PASD1: variants seen among roughly 807,000 people sequenced by gnomAD.
PASD1 encodes the protein PAS domain containing repressor 1.
A neutral mutation model predicts 58.8 loss-of-function variants in PASD1; 13 were observed. The ratio of observed to expected loss-of-function variants is 0.22; its 90% CI spans 0.14 to 0.35. PASD1 has a LOEUF of 0.35. PASD1 is among the 10% of genes least tolerant of loss of function. PASD1 has a pLI of 1.00. For missense variants in PASD1, 734 were observed against 568.3 expected, an observed-to-expected ratio of 1.29 and a Z score of -2.96; for synonymous variants, 236 against 216.7, an observed-to-expected ratio of 1.09 and a Z score of -0.78.
intron 11 of PASD1, among the ~76,000 whole-genome samples, chrX:151,668,238 A>T (rs1444794545): frequency 9.0e-6 from 1 of 111,719 alleles, no homozygotes; most frequent in Admixed American, 9.5e-5. Flanking sequence ...TTTGTCAAAG[A>T]TCTTTTCTGC....
chrX:151,567,123 C>T (rs2012858658), intron 1 of PASD1, among the ~76,000 whole-genome samples: 1 of 110,301 alleles, frequency 9.1e-6, no homozygotes, highest in Non-Finnish European at 1.9e-5. Context: ...GATTTTGGAG[C>T]ATTTCAGATT....
intron 1 of PASD1, among the ~76,000 whole-genome samples, chrX:151,583,639 A>G (rs2013126937): frequency 8.9e-6 from 1 of 112,323 alleles, no homozygotes; most frequent in South Asian, 3.7e-4. Context: ...TTTAATCTTG[A>G]TGAAATCCTT....
intron 1 of PASD1, among the ~76,000 whole-genome samples, chrX:151,592,999 G>A (rs113630319): frequency 0.033 from 3,688 of 110,579 alleles, 113 homozygotes; most frequent in African/African-American, 0.091. Flanking sequence ...ATTTATGTCC[G>A]TTTTTACTTC....
chrX:151,612,452 A>G (rs972868271), intron 4 of PASD1, among the ~76,000 whole-genome samples: 2 of 108,996 alleles, frequency 1.8e-5, no homozygotes, highest in Admixed American at 2.0e-4. Flanking sequence ...AAGTGTTCCT[A>G]TTTCTCCACA....
At chrX:151,613,216 T>C (rs917675738) in intron 4 of PASD1, among the ~76,000 whole-genome samples, 21 of 111,812 alleles carry the variant, frequency 1.9e-4, no homozygotes, top group Non-Finnish European at 3.8e-4. Flanking sequence ...TTTTGGTTAC[T>C]GTAGCCTTGT....
At position 151,605,153 on chromosome X, in the gene PASD1, A is replaced by G. The variant is rs1377299221; in HGVS notation, c.117+419A>G. Among the ~76,000 whole-genome samples, 3 of 111,842 alleles carry G rather than the reference A, an allele frequency of 2.7e-5. No homozygotes were observed. The East Asian group carries it at 8.4e-4, about 31-fold the overall frequency. On this transcript the variant is annotated intron_variant, in intron 3 of 15. Coordinates refer to ENST00000370357, the MANE Select transcript of PASD1 (RefSeq NM_173493.3). ...TCCAAGAGAACTGGTTAGTTTCACA[A>G]GCCACAAACTGCACTCTGAAGAACC...
chrX:151,571,587 C>T (rs887158182), intron 1 of PASD1, among the ~76,000 whole-genome samples: 11 of 111,954 alleles, frequency 9.8e-5, no homozygotes, highest in Admixed American at 2.8e-4. Flanking sequence ...AAGAGACTTC[C>T]AAGTCATCTG....
rs1348115741 is a variant in PASD1, at chrX:151,611,729, C to T, written c.183C>T (p.Ile61=). 8.3e-7 allele frequency: 1 copy of T among 1,204,863 alleles called. No individual in the cohort carries two copies. Among genetic ancestry groups the T allele is most frequent in the African/African-American group, 1.7e-5 (1 of 57,605 alleles). The change falls in exon 4 of 16, where the codon ATC becomes ATT. Residue 61 remains isoleucine (I), a synonymous_variant. Transcript: ENST00000370357. ...DGVIICVAEN[I]SSLLGHLPAE... ...TGATCATTTGTGTGGCTGAAAACAT[C>T]TCTTCTCTTCTTGGACATTTACCAG...
intron 10 of PASD1, among the ~76,000 whole-genome samples, chrX:151,662,906 C>T (rs1479615885): frequency 9.0e-6 from 1 of 111,705 alleles, no homozygotes; most frequent in Admixed American, 9.5e-5. Flanking sequence ...TTTGCAGTAT[C>T]CAGGCAAACC....
chrX:151,658,763 T>C (rs896780131), intron 9 of PASD1, among the ~76,000 whole-genome samples: 1 of 112,299 alleles, frequency 8.9e-6, no homozygotes, highest in Non-Finnish European at 1.9e-5. Context: ...TCACCATGGG[T>C]CTGTGTCTTA....
intron 8 of PASD1, among the ~76,000 whole-genome samples, chrX:151,629,308 C>T (rs995480989): frequency 2.7e-5 from 3 of 110,302 alleles, no homozygotes; most frequent in African/African-American, 3.3e-5. Context: ...TTAGTAGGGA[C>T]GGGGTTTCAC....
chrX:151,676,086 T>A lies in PASD1; in HGVS notation c.2265T>A (p.Ser755=). 1 of 1,210,853 alleles carries A rather than the reference T, an allele frequency of 8.3e-7. No homozygotes were observed. Among genetic ancestry groups the A allele is most frequent in the Non-Finnish European group, 1.1e-6 (1 of 895,212 alleles). Residue 755 remains serine, a synonymous_variant, in exon 16 of 16, where the codon TCT becomes TCA. Transcript: ENST00000370357. ...PAAYQPDQMR[S]AEQTRLMPAE... The stretch of plus-strand genomic sequence containing the variant: ...CATACCAGCCAGACCAGATGAGATC[T>A]GCGGAGCAGACCAGATTGATGCCTG...
intron 14 of PASD1, 169 bp downstream of exon 14, chrX:151,672,830 C>G: frequency 1.2e-6 from 1 of 801,097 alleles, no homozygotes; most frequent in Non-Finnish European, 1.7e-6. Flanking sequence ...CGGCCATCAT[C>G]CTTCTGCATG....
At chrX:151,649,147 C>T (rs1300957059) in intron 9 of PASD1, among the ~76,000 whole-genome samples, 1 of 111,793 alleles carries the variant, frequency 8.9e-6, no homozygotes, top group Non-Finnish European at 1.9e-5. Flanking sequence ...TAGAAATCTA[C>T]CTGGGTCTAC....
At chrX:151,581,013 AGG>A (rs2013081653) in intron 1 of PASD1, among the ~76,000 whole-genome samples, 1 of 109,891 alleles carries the variant, frequency 9.1e-6, no homozygotes, top group Non-Finnish European at 1.9e-5. Flanking sequence ...AGATCACTTG[AGG>A]TCAGGAGTTC....
At chrX:151,576,621 G>A (rs2013010403) in intron 1 of PASD1, among the ~76,000 whole-genome samples, 1 of 112,154 alleles carries the variant, frequency 8.9e-6, no homozygotes, top group Admixed American at 9.4e-5. Context: ...AAGGAAAGAA[G>A]ATGTCTTAGT....
rs966496834 is a variant in PASD1, at chrX:151,621,554, A to C, written c.380A>C (p.Asn127Thr). The C allele has an allele frequency of 8.3e-7, 1 of 1,203,358 alleles. No homozygotes were observed. ...VEHGDSSAYENVKFIVNVRDI... is the reference protein window; with the variant it reads ...VEHGDSSAYETVKFIVNVRDI... ...CATGGTGATAGTTCTGCTTACGAAAACGTGAAATTTATTGTGAATGTAAGA... is the reference window on the plus strand; with the variant it reads ...CATGGTGATAGTTCTGCTTACGAAACCGTGAAATTTATTGTGAATGTAAGA... The change falls in exon 6 of 16, where the codon AAC becomes ACC. Residue 127 changes from asparagine (N) to threonine (T), a missense_variant. Transcript: ENST00000370357.
At chrX:151,669,157 A>G (rs978643517) in intron 11 of PASD1, among the ~76,000 whole-genome samples, 38 of 81,467 alleles carry the variant, frequency 4.7e-4, no homozygotes, top group African/African-American at 1.5e-3. Flanking sequence ...TACATATTAT[A>G]TATACTATAT....
chrX:151,585,679 A>G (rs2013153909), intron 1 of PASD1, among the ~76,000 whole-genome samples: 1 of 111,451 alleles, frequency 9.0e-6, no homozygotes, highest in African/African-American at 3.3e-5. Flanking sequence ...AGGGCAGAGA[A>G]GGAAGAGATG....
Sources: allele counts gnomAD v4.1 joint callset (sites outside exome capture counted in the v4.1 genomes callset), GRCh38; gene constraint gnomAD v4.1.1; transcripts MANE v1.5; gene names NCBI Gene and HGNC (gene_info 2026-07-23, HGNC 2026-07-21).